Variants in PRCP observed in about 807,000 individuals in gnomAD.
The protein encoded by PRCP is lysosomal Pro-X carboxypeptidase.
PRCP carries 46 observed loss-of-function variants against 54.2 expected under a neutral mutation model. The ratio of observed to expected loss-of-function variants is 0.85; its 90% CI spans 0.67 to 1.09. The LOEUF (loss-of-function observed/expected upper bound fraction) is 1.09, where lower values mean the gene tolerates loss of function less well. PRCP is among the 50% of genes least tolerant of loss of function. The pLI, the probability that PRCP is intolerant of heterozygous loss-of-function variation, is 0.00. For synonymous variants in PRCP, 240 were observed against 212.2 expected, an observed-to-expected ratio of 1.13 and a Z score of -1.14; for missense variants, 613 against 596.8, an observed-to-expected ratio of 1.03 and a Z score of -0.28.
chr11:82,834,424 G>C (rs1014647734), intron 8 of PRCP, among the ~76,000 whole-genome samples: 1 of 152,226 alleles, frequency 6.6e-6, no homozygotes, highest in Non-Finnish European at 1.5e-5. Flanking sequence ...AGACTGAGCT[G>C]AAGAGTATAG....
At chr11:82,869,269 T>G (rs1159197177) in intron 1 of PRCP, among the ~76,000 whole-genome samples, 1 of 147,284 alleles carries the variant, frequency 6.8e-6, no homozygotes, top group Non-Finnish European at 1.5e-5. Context: ...GATCAGAGGA[T>G]CCCTTGAGCC....
At chr11:82,870,408 G>A (rs1367207460) in intron 1 of PRCP, among the ~76,000 whole-genome samples, 2 of 152,196 alleles carry the variant, frequency 1.3e-5, no homozygotes, top group African/African-American at 4.8e-5. Flanking sequence ...ATCCTGGGAA[G>A]GAAGGAGGGA....
intron 1 of PRCP, among the ~76,000 whole-genome samples, chr11:82,899,808 A>ATT (rs1173981986): frequency 1.3e-5 from 2 of 152,196 alleles, no homozygotes; most frequent in African/African-American, 4.8e-5. Context: ...ACTATCCAAT[A>ATT]TTTTCTAATA....
At position 82,824,649 on chromosome 11, in the gene PRCP, G is replaced by C. The variant is rs1236871642; in HGVS notation, c.*257C>G. 1 of 457,692 alleles carries C rather than the reference G, an allele frequency of 2.2e-6. No individual in the cohort carries two copies. Among genetic ancestry groups the C allele is most frequent in the Non-Finnish European group, 4.0e-6 (1 of 251,442 alleles). The allele number at this position is 457,692 out of a possible 1,614,324, so 28.4% of individuals were successfully genotyped here. On this transcript the variant is annotated 3_prime_UTR_variant, in exon 9 of 9. Transcript: ENST00000313010. ...AAAAGCAACCAGGAACTCTACTCCA[G>C]TTATGAGGGCCACTGATGGTGTGGG...
chr11:82,878,333 T>C (rs1859656524), intron 1 of PRCP, among the ~76,000 whole-genome samples: 1 of 152,056 alleles, frequency 6.6e-6, no homozygotes, highest in Non-Finnish European at 1.5e-5. Flanking sequence ...GAAGGCATGA[T>C]TGGTTTTGAA....
rs1858908487 is a variant in PRCP at position 82,849,979 on chromosome 11, C to T, written c.686G>A (p.Ser229Asn). The T allele has an allele frequency of 1.3e-6, 2 of 1,552,962 alleles. No individual in the cohort carries two copies. The highest frequency in any genetic ancestry group is 1.9e-5 in the Admixed American group (1 of 53,282). ...MKIVTTDFRK[S>N]GPHCSESIHR... ...GATGCTCTCTGAACAATGTGGACCG[C>T]TTTTCCTAAAATCTGTAGTTACGAT... The change falls in exon 5 of 9, where the codon AGC becomes AAC. Residue 229 changes from serine (S) to asparagine (N), a missense_variant. By Grantham distance (46) the Ser-to-Asn change is conservative. Coordinates refer to ENST00000313010, the MANE Select transcript of PRCP (RefSeq NM_005040.4).
chr11:82,850,441 T>C lies in PRCP; in HGVS notation c.476A>G (p.Lys159Arg), dbSNP rs560678492. ...QALADFAELI[K>R]HLKRTIPGAE... ...TCCTGGGATTGTTCTTTTCAAGTGT[T>C]TGATTAACTCTGCAAAATCAGCCAG... Residue 159 changes from lysine (K) to arginine (R), a missense_variant, in exon 4 of 9, where the codon AAA becomes AGA. Coordinates refer to ENST00000313010, the MANE Select transcript of PRCP (RefSeq NM_005040.4). 12 of 1,607,400 alleles carry C rather than the reference T, an allele frequency of 7.5e-6. No individual in the cohort carries two copies. The Admixed American group carries it at 2.0e-4, about 27-fold the overall frequency.
intron 8 of PRCP, chr11:82,827,064 A>T (rs1342380870): frequency 6.6e-6 from 1 of 152,192 alleles, no homozygotes; most frequent in Non-Finnish European, 1.5e-5. Context: ...TACCACTGGA[A>T]ATTACTTATA....
intron 1 of PRCP, among the ~76,000 whole-genome samples, chr11:82,895,979 C>T (rs1342425078): frequency 6.6e-6 from 1 of 152,166 alleles, no homozygotes; most frequent in Non-Finnish European, 1.5e-5. Context: ...GGCCAACACA[C>T]AGACTTGTAA....
At position 82,892,216 on chromosome 11, in the gene PRCP, A is replaced by C. The variant is rs147346550; in HGVS notation, c.168+8019T>G. Among the ~76,000 whole-genome samples, 298 of 152,320 alleles carry C rather than the reference A, an allele frequency of 2.0e-3. 3 individuals carry two copies. Among genetic ancestry groups the C allele is most frequent in the African/African-American group, 6.8e-3 (282 of 41,576 alleles). Reference sequence around the variant, plus strand: ...ACAGATAAAAAACATGACTCACAATATTGTCCTTTAATAGCTTAAGACACT... The same window carrying C: ...ACAGATAAAAAACATGACTCACAATCTTGTCCTTTAATAGCTTAAGACACT... On this transcript the variant is annotated intron_variant, in intron 1 of 8. Transcript: ENST00000313010.
At chr11:82,884,870 G>T (rs1319641332) in intron 1 of PRCP, 2 of 1,613,592 alleles carry the variant, frequency 1.2e-6, no homozygotes, top group South Asian at 1.1e-5. Flanking sequence ...ATGTGCAACT[G>T]CCCAGCAGCA....
chr11:82,865,911 G>A (rs1387490074), intron 1 of PRCP, among the ~76,000 whole-genome samples: 1 of 152,130 alleles, frequency 6.6e-6, no homozygotes, highest in African/African-American at 2.4e-5. Context: ...AACATGGAAG[G>A]AAGGTGGAGT....
intron 8 of PRCP, among the ~76,000 whole-genome samples, chr11:82,832,419 C>T (rs1227919987): frequency 6.6e-6 from 1 of 152,060 alleles, no homozygotes; most frequent in Non-Finnish European, 1.5e-5. Context: ...AATGGTGTCT[C>T]ATTGTGGTTT....
At chr11:82,838,879 T>C (rs1263251514) in intron 7 of PRCP, among the ~76,000 whole-genome samples, 1 of 152,246 alleles carries the variant, frequency 6.6e-6, no homozygotes, top group East Asian at 1.9e-4. Flanking sequence ...ATTAGTCTCA[T>C]TGTGCAGATG....
intron 1 of PRCP, among the ~76,000 whole-genome samples, chr11:82,893,550 G>A (rs576872560): frequency 6.6e-6 from 1 of 152,216 alleles, no homozygotes; most frequent in African/African-American, 2.4e-5. Flanking sequence ...CTAGCACTTT[G>A]GGAGACCAAG....
chr11:82,838,703 G>C (rs73506368), intron 7 of PRCP, 129 bp from the exon 8 acceptor site: 3 of 802,772 alleles, frequency 3.7e-6, no homozygotes, highest in African/African-American at 1.8e-5. Flanking sequence ...CAGCTTCAAC[G>C]CCCTGTTCTT....
intron 1 of PRCP, among the ~76,000 whole-genome samples, chr11:82,899,686 T>C (rs1351979239): frequency 7.9e-5 from 12 of 151,668 alleles, no homozygotes; most frequent in Non-Finnish European, 1.8e-4. Context: ...AAGCATAGGC[T>C]ACATACATTC....
At chr11:82,883,625 G>A in intron 1 of PRCP, among the ~76,000 whole-genome samples, 1 of 152,176 alleles carries the variant, frequency 6.6e-6, no homozygotes, top group Non-Finnish European at 1.5e-5. Flanking sequence ...GCAGGGGTCA[G>A]TCAGTTTGGA....
intron 1 of PRCP, among the ~76,000 whole-genome samples, chr11:82,886,987 G>A (rs1409262093): frequency 6.6e-6 from 1 of 152,094 alleles, no homozygotes; most frequent in African/African-American, 2.4e-5. Flanking sequence ...CACAGTGTTG[G>A]AAGCCCACCT....
Sources: allele counts gnomAD v4.1 joint callset (sites outside exome capture counted in the v4.1 genomes callset), GRCh38; gene constraint gnomAD v4.1.1; transcripts MANE v1.5; gene names NCBI Gene and HGNC (gene_info 2026-07-23, HGNC 2026-07-21).